The following SPOCK1 variants were observed in gnomAD, a reference collection of about 807,000 sequenced individuals.
SPOCK1 encodes the protein testican-1.
SPOCK1 carries 23 observed loss-of-function variants against 55.3 expected under a neutral mutation model. The observed-to-expected ratio is 0.42, with a 90% CI of 0.30 to 0.59. SPOCK1 has a LOEUF of 0.59. Among genes scored for constraint, SPOCK1 ranks in the 20% least tolerant of loss-of-function variants. SPOCK1 has a pLI of 0.22. For missense variants in SPOCK1, 499 were observed against 552.5 expected (o/e 0.90, Z 0.97); for synonymous variants, 226 against 221.0 (o/e 1.02, Z -0.20).
At position 137,314,783 on chromosome 5, in the gene SPOCK1, C is replaced by T. The variant is rs1483337781; in HGVS notation, c.187-47728G>A. Among the ~76,000 whole-genome samples the T allele has an allele frequency of 2.0e-5, 3 of 152,084 alleles. No individual in the cohort carries two copies. The East Asian group carries it at 5.8e-4, about 29-fold the overall frequency. Reference sequence around the variant, plus strand: ...CACGTTTTCCATGTTCTCTTTACTCCTCCACTGCCTCTCATCCTGAGCTCA... The same window carrying T: ...CACGTTTTCCATGTTCTCTTTACTCTTCCACTGCCTCTCATCCTGAGCTCA... On this transcript the variant is annotated intron_variant, in intron 2 of 10. Coordinates refer to ENST00000394945, the MANE Select transcript of SPOCK1 (RefSeq NM_004598.4).
At chr5:137,166,627 A>T (rs1028471408) in intron 3 of SPOCK1, among the ~76,000 whole-genome samples, 12 of 152,138 alleles carry the variant, frequency 7.9e-5, no homozygotes, top group Non-Finnish European at 1.8e-4. Context: ...TTCAAGACAC[A>T]GACAATACAA....
chr5:137,174,259 T>C (rs1390454688), intron 3 of SPOCK1, among the ~76,000 whole-genome samples: 2 of 152,218 alleles, frequency 1.3e-5, no homozygotes, highest in Non-Finnish European at 2.9e-5. Context: ...TTGTTGCTCA[T>C]GCCAGCAGGT....
At chr5:137,218,335 G>A (rs576864024) in intron 3 of SPOCK1, among the ~76,000 whole-genome samples, 3 of 152,328 alleles carry the variant, frequency 2.0e-5, no homozygotes, top group South Asian at 2.1e-4. Flanking sequence ...ATAATAGAAG[G>A]TATACCAAAG....
intron 6 of SPOCK1, among the ~76,000 whole-genome samples, chr5:137,059,683 G>T (rs1752360645): frequency 6.6e-6 from 1 of 152,084 alleles, no homozygotes; most frequent in African/African-American, 2.4e-5. Flanking sequence ...CCACAGAATG[G>T]GAGAAAATAT....
At chr5:137,177,194 C>T (rs1291263711) in intron 3 of SPOCK1, among the ~76,000 whole-genome samples, 4 of 152,264 alleles carry the variant, frequency 2.6e-5, no homozygotes, top group African/African-American at 7.2e-5. Context: ...GTACTTTTTT[C>T]TTAGTAGCTG....
intron 2 of SPOCK1, among the ~76,000 whole-genome samples, chr5:137,424,410 AT>A (rs1387984385): frequency 4.6e-5 from 7 of 152,138 alleles, no homozygotes; most frequent in African/African-American, 1.4e-4. Context: ...AACTGACCAT[AT>A]ATGTGTGGGT....
At chr5:137,356,875 A>AGAGAGAGAGAGAGT (rs1160198739) in intron 2 of SPOCK1, among the ~76,000 whole-genome samples, 2 of 127,684 alleles carry the variant, frequency 1.6e-5, no homozygotes, top group African/African-American at 6.0e-5. Context: ...AGAGAGAGAG[A>AGAGAGAGAGAGAGT]GTATGCAGAC....
At chr5:137,153,208 G>C (rs569781853) in intron 3 of SPOCK1, among the ~76,000 whole-genome samples, 2 of 152,318 alleles carry the variant, frequency 1.3e-5, no homozygotes, top group South Asian at 4.1e-4. Flanking sequence ...TGTGTCTGCT[G>C]TAAAGGACAT....
intron 7 of SPOCK1, 78 bp from the exon 8 acceptor site, chr5:136,988,721 C>T: frequency 7.2e-7 from 1 of 1,380,946 alleles, no homozygotes. Context: ...CTTTCTGCCC[C>T]AAGAAGATGC....
At chr5:137,111,007 G>A (rs899027769) in intron 5 of SPOCK1, among the ~76,000 whole-genome samples, 1 of 152,092 alleles carries the variant, frequency 6.6e-6, no homozygotes, top group Non-Finnish European at 1.5e-5. Context: ...GTGAACATCT[G>A]GGAGGATAAA....
intron 3 of SPOCK1, among the ~76,000 whole-genome samples, chr5:137,167,463 A>G (rs1754671197): frequency 6.8e-6 from 1 of 146,980 alleles, no homozygotes; most frequent in Non-Finnish European, 1.5e-5. Context: ...TATAGACCAA[A>G]TGAATCTAGT....
intron 3 of SPOCK1, among the ~76,000 whole-genome samples, chr5:137,191,720 C>A (rs1366706809): frequency 6.6e-6 from 1 of 152,168 alleles, no homozygotes; most frequent in African/African-American, 2.4e-5. Flanking sequence ...ATGTACACCA[C>A]TGATGACCTT....
intron 3 of SPOCK1, among the ~76,000 whole-genome samples, chr5:137,225,765 T>C (rs559486196): frequency 1.1e-4 from 17 of 152,340 alleles, no homozygotes; most frequent in Admixed American, 2.0e-4. Context: ...GCATGTCTAA[T>C]ACTGCTGGTA....
intron 2 of SPOCK1, among the ~76,000 whole-genome samples, chr5:137,270,674 T>C (rs566973144): frequency 6.6e-6 from 1 of 152,242 alleles, no homozygotes; most frequent in Non-Finnish European, 1.5e-5. Flanking sequence ...AGGTCTAGAA[T>C]CACATAGTAT....
intron 2 of SPOCK1, among the ~76,000 whole-genome samples, chr5:137,384,587 T>TC (rs1491337279): frequency 2.8e-5 from 2 of 70,838 alleles, no homozygotes; most frequent in African/African-American, 8.9e-5. Context: ...TATGTATGTA[T>TC]TTTTTTTTCC....
chr5:137,482,880 C>A (rs1753979268), intron 2 of SPOCK1, among the ~76,000 whole-genome samples: 1 of 152,208 alleles, frequency 6.6e-6, no homozygotes, highest in East Asian at 1.9e-4. Context: ...ATCAAACAGG[C>A]TCTCTGATTC....
chr5:137,044,765 G>A (rs1445559134), intron 6 of SPOCK1, among the ~76,000 whole-genome samples: 1 of 149,260 alleles, frequency 6.7e-6, no homozygotes, highest in African/African-American at 2.5e-5. Flanking sequence ...CTAGCATTAG[G>A]TATATCTCCC....
chr5:137,337,081 T>C (rs1203590857), intron 2 of SPOCK1, among the ~76,000 whole-genome samples: 1 of 152,198 alleles, frequency 6.6e-6, no homozygotes, highest in Non-Finnish European at 1.5e-5. Flanking sequence ...TCTCAACTAG[T>C]ACCTGCTGAA....
At chr5:137,341,544 G>A (rs2127156232) in intron 2 of SPOCK1, among the ~76,000 whole-genome samples, 1 of 152,314 alleles carries the variant, frequency 6.6e-6, no homozygotes, top group Non-Finnish European at 1.5e-5. Flanking sequence ...TAGCACAGAA[G>A]GACGTGTGTG....
Sources: gnomAD v4.1 joint callset for allele counts (sites outside exome capture counted in the v4.1 genomes callset) on GRCh38, gnomAD v4.1.1 for gene constraint, MANE v1.5 for transcripts, NCBI Gene and HGNC (gene_info 2026-07-23, HGNC 2026-07-21) for gene names.